Variants in TBC1D2B observed in about 807,000 individuals in gnomAD.
TBC1D2B encodes TBC1 domain family, member 2B.
In TBC1D2B, 64 loss-of-function variants were observed where a neutral mutation model predicts 100.8. That is an observed-to-expected ratio of 0.64 (90% CI 0.52 to 0.78). The LOEUF is 0.78. Among genes scored for constraint, TBC1D2B ranks in the 30% least tolerant of loss-of-function variants. TBC1D2B has a pLI of 0.00. For missense variants in TBC1D2B, 1,052 were observed against 1,218.4 expected, an observed-to-expected ratio of 0.86 and a Z score of 2.03; for synonymous variants, 480 against 479.7, an observed-to-expected ratio of 1.00 and a Z score of -0.01.
At position 78,009,017 on chromosome 15, in the gene TBC1D2B, T is replaced by C. The variant is rs1240107652; in HGVS notation, c.2368A>G (p.Lys790Glu). Residue 790 changes from lysine to glutamate, a missense_variant, in exon 10 of 13, where the codon AAG (lysine) becomes GAG (glutamate). Physicochemically the swap from Lys to Glu is moderately conservative, Grantham distance 56. Transcript: ENST00000300584. The part of the protein sequence containing the change: ...EVFMPRDYYT[K>E]TLLGSQVDQR... ...ACTACCTGGGATCCTAAAAGAGTCT[T>C]TGTATAATAGTCTCGAGGCATGAAA... 1.9e-6 allele frequency: 3 copies of C among 1,598,854 alleles called. No homozygotes were observed. The highest frequency in any genetic ancestry group is 2.6e-6 in the Non-Finnish European group (3 of 1,171,994).
chr15:78,053,753 C>A (rs1282500462), intron 2 of TBC1D2B: 3 of 309,418 alleles, frequency 9.7e-6, no homozygotes, highest in Non-Finnish European at 1.8e-5. Context: ...GCTGGCCCTG[C>A]AGTCAGAACT....
chr15:78,015,500 C>T (rs745791177), intron 8 of TBC1D2B, among the ~76,000 whole-genome samples: 1 of 152,170 alleles, frequency 6.6e-6, no homozygotes, highest in Non-Finnish European at 1.5e-5. Context: ...GAAGAACACA[C>T]AGCACGTTTA....
intron 2 of TBC1D2B, among the ~76,000 whole-genome samples, chr15:78,045,841 G>A (rs542523688): frequency 6.6e-6 from 1 of 152,306 alleles, no homozygotes; most frequent in East Asian, 1.9e-4. Context: ...AATAAACCTA[G>A]AGGTAATATT....
intron 2 of TBC1D2B, among the ~76,000 whole-genome samples, chr15:78,052,930 G>C (rs16969447): frequency 0.063 from 9,648 of 152,252 alleles, 475 homozygotes; most frequent in African/African-American, 0.13. Flanking sequence ...TCAGAACCTG[G>C]AATAGTCAGA....
intron 3 of TBC1D2B, among the ~76,000 whole-genome samples, chr15:78,031,695 A>C (rs2072820634): frequency 6.6e-6 from 1 of 152,172 alleles, no homozygotes; most frequent in Admixed American, 6.5e-5. Context: ...TGTGCTAAAA[A>C]TATTTCATTA....
chr15:78,000,328 C>A (rs142053840), intron 12 of TBC1D2B, among the ~76,000 whole-genome samples: 1 of 152,230 alleles, frequency 6.6e-6, no homozygotes, highest in African/African-American at 2.4e-5. Context: ...CACTCACCTC[C>A]GCTCCTCCTG....
At chr15:78,037,538 GA>G (rs1318586174) in intron 3 of TBC1D2B, among the ~76,000 whole-genome samples, 1 of 150,982 alleles carries the variant, frequency 6.6e-6, no homozygotes, top group Admixed American at 6.6e-5. Flanking sequence ...TCTTCCTGAA[GA>G]ACCTTAAACA....
At chr15:78,076,482 C>T (rs1282450300) in intron 1 of TBC1D2B, among the ~76,000 whole-genome samples, 2 of 152,156 alleles carry the variant, frequency 1.3e-5, no homozygotes, top group African/African-American at 2.4e-5. Flanking sequence ...CTCTGGCTCA[C>T]GCCTGGCATC....
intron 11 of TBC1D2B, among the ~76,000 whole-genome samples, chr15:78,002,126 C>T (rs1266680641): frequency 6.6e-6 from 1 of 152,246 alleles, no homozygotes; most frequent in Non-Finnish European, 1.5e-5. Flanking sequence ...GTCCCACCTA[C>T]AGAGGCTGTT....
chr15:78,071,097 C>T (rs1326683952), intron 1 of TBC1D2B, among the ~76,000 whole-genome samples: 1 of 152,220 alleles, frequency 6.6e-6, no homozygotes, highest in Non-Finnish European at 1.5e-5. Flanking sequence ...GCTGGGATTA[C>T]AGGCGTGAGC....
chr15:78,053,368 T>C lies in TBC1D2B; in HGVS notation c.514+666A>G, dbSNP rs553923656. On this transcript the variant is annotated intron_variant, in intron 2 of 12. Transcript: ENST00000300584. ...TTACTTCAGAGCTCAGGAGGCTGTT[T>C]TGTTTGTTTGTTTGTTTTTCTGGAT... 8.9e-4 allele frequency among the ~76,000 whole-genome samples: 135 copies of C among 152,304 alleles called. 1 individual carries two copies. In the Middle Eastern group the frequency reaches 0.01, roughly 12 times the overall value.
intron 1 of TBC1D2B, among the ~76,000 whole-genome samples, chr15:78,072,483 T>C (rs1384021424): frequency 6.6e-6 from 1 of 152,134 alleles, no homozygotes; most frequent in Non-Finnish European, 1.5e-5. Context: ...GTTCACCACA[T>C]CTATTTTGCA....
At chr15:78,062,973 T>C (rs1567034366) in intron 1 of TBC1D2B, among the ~76,000 whole-genome samples, 1 of 152,182 alleles carries the variant, frequency 6.6e-6, no homozygotes, top group Admixed American at 6.5e-5. Flanking sequence ...GGGCCTCGGA[T>C]TCCTTGCTGG....
At position 78,016,684 on chromosome 15, in the gene TBC1D2B, A is replaced by G. The variant is rs1365898877; in HGVS notation, c.1637T>C (p.Leu546Pro). 1 of 1,603,398 alleles carries G rather than the reference A, an allele frequency of 6.2e-7. No homozygotes were observed. The highest frequency in any genetic ancestry group is 8.5e-7 in the Non-Finnish European group (1 of 1,175,872). The change falls in exon 8 of 13, where the codon CTC becomes CCC. Residue 546 changes from leucine (L) to proline (P), a missense_variant. Physicochemically the swap from Leu to Pro is moderately conservative, Grantham distance 98. Coordinates refer to ENST00000300584, the MANE Select transcript of TBC1D2B (RefSeq NM_144572.2). ...GCACACTGGTGTCTTCATTTCTTGG[A>G]GCAATATCAGGTATTTACTTTCTAT... The part of the protein sequence containing the change: ...CQIESKYLIL[L>P]QEMKTPVCSE...
intron 3 of TBC1D2B, chr15:78,034,595 G>A (rs977607172): frequency 1.0e-6 from 1 of 984,792 alleles, no homozygotes; most frequent in East Asian, 1.1e-4. Context: ...AGTAATTTCA[G>A]TGACTTAGAA....
intron 1 of TBC1D2B, among the ~76,000 whole-genome samples, chr15:78,064,574 C>A (rs1188829228): frequency 6.6e-6 from 1 of 152,102 alleles, no homozygotes; most frequent in East Asian, 1.9e-4. Context: ...GTAATTTCTT[C>A]CATAAGCAAT....
intron 4 of TBC1D2B, 35 bp downstream of exon 4, chr15:78,029,972 C>G (rs770724505): frequency 8.3e-6 from 13 of 1,567,954 alleles, no homozygotes; most frequent in African/African-American, 8.2e-5. Context: ...GATGGCAGTA[C>G]AGAGAATGAC....
At chr15:78,047,304 T>C (rs1017063208) in intron 2 of TBC1D2B, among the ~76,000 whole-genome samples, 3 of 152,128 alleles carry the variant, frequency 2.0e-5, no homozygotes, top group African/African-American at 4.8e-5. Flanking sequence ...TTCTTGGTTT[T>C]ACTATCATGT....
chr15:78,011,655 T>A (rs1264061575), intron 9 of TBC1D2B, among the ~76,000 whole-genome samples: 1 of 148,826 alleles, frequency 6.7e-6, no homozygotes, highest in Non-Finnish European at 1.5e-5. Context: ...GTTTTTTTTT[T>A]TTTTTTTTTT....
Sources: allele counts gnomAD v4.1 joint callset (sites outside exome capture counted in the v4.1 genomes callset), GRCh38; gene constraint gnomAD v4.1.1; transcripts MANE v1.5; gene names NCBI Gene and HGNC (gene_info 2026-07-23, HGNC 2026-07-21).